The following TSPAN8 variants were observed in gnomAD, a reference collection of about 807,000 sequenced individuals.
TSPAN8 encodes the protein tetraspanin-8.
Under a neutral mutation model 32.8 loss-of-function variants are expected in TSPAN8, and 21 were observed. The ratio of observed to expected loss-of-function variants is 0.64; its 90% CI spans 0.45 to 0.92. The LOEUF is 0.92. Among genes scored for constraint, TSPAN8 ranks in the 40% least tolerant of loss-of-function variants. TSPAN8 has a pLI of 0.00. For missense variants in TSPAN8, 269 were observed against 281.9 expected, an observed-to-expected ratio of 0.95 and a Z score of 0.33; for synonymous variants, 95 against 94.6, an observed-to-expected ratio of 1.00 and a Z score of -0.03.
At chr12:71,144,290 T>G (rs1366239059) in intron 2 of TSPAN8, 77 bp from the exon 3 acceptor site, 1 of 1,334,932 alleles carries the variant, frequency 7.5e-7, no homozygotes, top group Admixed American at 1.9e-5. Context: ...CTCCTATCTA[T>G]CCGGTGACAG....
Position 71,129,315 on chromosome 12 carries a change from C to G in TSPAN8, c.660+16G>C. 6.7e-7 allele frequency: 1 copy of G among 1,483,744 alleles called. No homozygotes were observed. The highest frequency in any genetic ancestry group is 9.0e-7 in the Non-Finnish European group (1 of 1,117,266). The allele number at this position is 1,483,744 out of a possible 1,614,324, so 91.9% of individuals were successfully genotyped here. A position where few individuals can be genotyped will look rare whatever the true frequency, so the allele number is the denominator to read the frequency against. On this transcript the variant is annotated intron_variant, in intron 8 of 8. Transcript: ENST00000247829. ...CAAGGGAATAAAAGAGTCAATAATA[C>G]AAGATTATACTGTACCTCAATAACT...
intron 8 of TSPAN8, 28 bp downstream of exon 8, chr12:71,129,303 G>A: frequency 6.7e-7 from 1 of 1,481,740 alleles, no homozygotes; most frequent in Non-Finnish European, 9.0e-7. Flanking sequence ...GGGAATAAAA[G>A]AGTCAATAAT....
At chr12:71,132,507 C>T (rs2270589) in intron 7 of TSPAN8, among the ~76,000 whole-genome samples, 186 bp downstream of exon 7, 1 of 151,910 alleles carries the variant, frequency 6.6e-6, no homozygotes, top group African/African-American at 2.4e-5. Context: ...ATGCCAGACT[C>T]ATAGAAGAAA....
At chr12:71,142,910 G>C (rs1470415573) in intron 3 of TSPAN8, among the ~76,000 whole-genome samples, 5 of 151,316 alleles carry the variant, frequency 3.3e-5, no homozygotes, top group Non-Finnish European at 7.4e-5. Flanking sequence ...CCACTGCAGC[G>C]AAGAAAACAG....
At chr12:71,143,399 C>T (rs1207053750) in intron 3 of TSPAN8, among the ~76,000 whole-genome samples, 1 of 152,162 alleles carries the variant, frequency 6.6e-6, no homozygotes, top group Admixed American at 6.6e-5. Flanking sequence ...ACAGATACCA[C>T]ACGTATGGGG....
chr12:71,127,809 G>C (rs1210771413), intron 8 of TSPAN8, among the ~76,000 whole-genome samples: 3 of 151,898 alleles, frequency 2.0e-5, no homozygotes, highest in Non-Finnish European at 4.4e-5. Context: ...ACTTTTTCTG[G>C]TTTTGCTAAC....
intron 2 of TSPAN8, among the ~76,000 whole-genome samples, chr12:71,152,788 A>G (rs1458110642): frequency 6.6e-6 from 1 of 152,168 alleles, no homozygotes; most frequent in Non-Finnish European, 1.5e-5. Flanking sequence ...ACACAATAAG[A>G]TATAATTGTG....
intron 6 of TSPAN8, among the ~76,000 whole-genome samples, chr12:71,134,578 G>T (rs911912438): frequency 1.3e-5 from 2 of 152,186 alleles, no homozygotes; most frequent in Non-Finnish European, 2.9e-5. Flanking sequence ...GTCAGTACTA[G>T]CAAGGAGGGT....
At position 71,132,967 on chromosome 12, in the gene TSPAN8, G is replaced by C. The variant is rs182077813; in HGVS notation, c.445-143C>G. ...TAAGTCACCTTTCACCTTTCTCTGT[G>C]TAGAAGTAAAAATTAAGGATTTTTG... On this transcript the variant is annotated intron_variant, in intron 6 of 8. Transcript: ENST00000247829. 2.2e-5 allele frequency: 22 copies of C among 996,956 alleles called. No homozygotes were observed. In the Admixed American group the frequency reaches 6.4e-4, roughly 29 times the overall value. The allele number at this position is 996,956 out of a possible 1,614,324, so 61.8% of individuals were successfully genotyped here. A position where few individuals can be genotyped will look rare whatever the true frequency, so the allele number is the denominator to read the frequency against.
intron 3 of TSPAN8, among the ~76,000 whole-genome samples, chr12:71,142,851 A>AAC (rs386363101): frequency 1.7e-3 from 211 of 126,736 alleles, no homozygotes; most frequent in South Asian, 0.01. Context: ...AAAAAACAAA[A>AAC]AAAAAAAAAA....
chr12:71,135,919 G>A (rs1592402102), intron 6 of TSPAN8, among the ~76,000 whole-genome samples: 1 of 152,066 alleles, frequency 6.6e-6, no homozygotes, highest in Non-Finnish European at 1.5e-5. Flanking sequence ...GAATGATCCC[G>A]GAAAGAAGAG....
At chr12:71,137,110 A>G (rs1400778227) in intron 6 of TSPAN8, among the ~76,000 whole-genome samples, 2 of 152,002 alleles carry the variant, frequency 1.3e-5, no homozygotes, top group Non-Finnish European at 2.9e-5. Flanking sequence ...TCTCTCTACA[A>G]AAATGATAAT....
chr12:71,137,769 C>G (rs1871750733), intron 6 of TSPAN8, among the ~76,000 whole-genome samples, 184 bp downstream of exon 6: 1 of 152,182 alleles, frequency 6.6e-6, no homozygotes, highest in Non-Finnish European at 1.5e-5. Context: ...TGCTTCAGAA[C>G]TTTGTATGAA....
chr12:71,156,273 C>CAA (rs1361979359), intron 2 of TSPAN8, among the ~76,000 whole-genome samples: 2 of 36,584 alleles, frequency 5.5e-5, no homozygotes, highest in African/African-American at 1.8e-4. Context: ...AAAAAACAAA[C>CAA]AAAAAAAAAA....
At chr12:71,145,651 T>A (rs1872052184) in intron 2 of TSPAN8, among the ~76,000 whole-genome samples, 1 of 152,198 alleles carries the variant, frequency 6.6e-6, no homozygotes, top group Non-Finnish European at 1.5e-5. Flanking sequence ...ATTTTAGCAG[T>A]CCTTTGTTAA....
intron 7 of TSPAN8, among the ~76,000 whole-genome samples, chr12:71,129,951 C>CTTTTTTTTT (rs35715058): frequency 1.4e-5 from 2 of 140,200 alleles, no homozygotes; most frequent in African/African-American, 2.6e-5. Flanking sequence ...TTCTTTCTTT[C>CTTTTTTTTT]TTTTTTTTTT....
intron 6 of TSPAN8, among the ~76,000 whole-genome samples, chr12:71,135,740 A>G (rs1871676586): frequency 6.6e-6 from 1 of 152,178 alleles, no homozygotes; most frequent in Non-Finnish European, 1.5e-5. Flanking sequence ...TACGTGCAGC[A>G]GATGTTACTA....
rs553800434 is a variant in TSPAN8, at chr12:71,135,425, AGAG to A, written c.444+2525_444+2527del. Among the ~76,000 whole-genome samples, 228 of 149,148 alleles carry A rather than the reference AGAG, an allele frequency of 1.5e-3. 3 individuals are homozygous for A. Among genetic ancestry groups the A allele is most frequent in the Admixed American group, 0.013 (194 of 14,938 alleles). ...AAGAAGGGAGAGCAGGAGGAAAACA[AGAG>A]GAGGAGGAAGAAAAAGAATCAGCAG... On this transcript the variant is annotated intron_variant, in intron 6 of 8. Transcript: ENST00000247829.
At chr12:71,142,642 T>A (rs1228175358) in intron 3 of TSPAN8, among the ~76,000 whole-genome samples, 1 of 152,118 alleles carries the variant, frequency 6.6e-6, no homozygotes, top group Admixed American at 6.6e-5. Context: ...CAGTTATGGT[T>A]ATCAGTAGAA....
Sources: gnomAD v4.1 joint callset for allele counts (sites outside exome capture counted in the v4.1 genomes callset) on GRCh38, gnomAD v4.1.1 for gene constraint, MANE v1.5 for transcripts, NCBI Gene and HGNC (gene_info 2026-07-23, HGNC 2026-07-21) for gene names.